Variants in CCDC12 observed in about 807,000 individuals in gnomAD.
CCDC12 encodes coiled-coil domain containing 12, also known as coiled-coil domain-containing protein 12.
A neutral mutation model predicts 25.7 loss-of-function variants in CCDC12; 28 were observed. That is an observed-to-expected ratio of 1.09 (90% CI 0.81 to 1.50). CCDC12 has a LOEUF of 1.50. Among genes scored for constraint, CCDC12 ranks in the 40% most tolerant of loss-of-function variants. CCDC12 has a pLI of 0.00. For missense variants in CCDC12, 198 were observed against 210.0 expected (o/e 0.94, Z 0.35); for synonymous variants, 75 against 87.7 (o/e 0.86, Z 0.81).
chr3:46,975,455 G>A (rs964107797), intron 1 of CCDC12, among the ~76,000 whole-genome samples: 1 of 152,008 alleles, frequency 6.6e-6, no homozygotes, highest in Non-Finnish European at 1.5e-5. Context: ...CGGGATTACA[G>A]GCACCAGCCA....
intron 1 of CCDC12, among the ~76,000 whole-genome samples, chr3:46,973,207 G>C (rs970817313): frequency 1.3e-4 from 20 of 151,762 alleles, no homozygotes; most frequent in African/African-American, 4.1e-4. Flanking sequence ...TAAAAAATTA[G>C]CTGGGCGTGG....
intron 1 of CCDC12, among the ~76,000 whole-genome samples, chr3:46,959,060 C>T (rs893734215): frequency 1.3e-5 from 2 of 152,064 alleles, no homozygotes; most frequent in Non-Finnish European, 2.9e-5. Context: ...AAAGGTAAGA[C>T]AGCTGTCTGC....
At chr3:46,974,560 A>T (rs1480868106) in intron 1 of CCDC12, among the ~76,000 whole-genome samples, 2 of 23,328 alleles carry the variant, frequency 8.6e-5, no homozygotes, top group African/African-American at 1.3e-4. Context: ...TGGGACAGGC[A>T]ATTTAGGGGC....
chr3:46,941,703 G>C (rs998796296), intron 1 of CCDC12, among the ~76,000 whole-genome samples: 1 of 152,184 alleles, frequency 6.6e-6, no homozygotes, highest in African/African-American at 2.4e-5. Context: ...CCATGGAGGG[G>C]CCATGCTGGC....
chr3:46,955,946 A>T (rs2034277605), intron 1 of CCDC12, among the ~76,000 whole-genome samples: 1 of 152,210 alleles, frequency 6.6e-6, no homozygotes, highest in Non-Finnish European at 1.5e-5. Flanking sequence ...AATACCCCGG[A>T]ATCAGGTATT....
chr3:46,969,477 C>T (rs2034737002), intron 1 of CCDC12, among the ~76,000 whole-genome samples: 1 of 152,186 alleles, frequency 6.6e-6, no homozygotes, highest in Non-Finnish European at 1.5e-5. Flanking sequence ...AAGCGATCTG[C>T]CCACTTTGGC....
intron 1 of CCDC12, among the ~76,000 whole-genome samples, chr3:46,958,420 C>T (rs1004525807): frequency 1.3e-5 from 2 of 152,186 alleles, no homozygotes; most frequent in African/African-American, 4.8e-5. Flanking sequence ...AGAAGATATA[C>T]AAGCTCTGGA....
chr3:46,931,604 G>GGAAGGAGGCCT (rs372614052), intron 2 of CCDC12, among the ~76,000 whole-genome samples: 2 of 152,038 alleles, frequency 1.3e-5, no homozygotes, highest in South Asian at 2.1e-4. Context: ...CTGCTGCCCT[G>GGAAGGAGGCCT]GGCCCCTGGA....
At chr3:46,957,996 C>CACACACACACAT (rs113627328) in intron 1 of CCDC12, among the ~76,000 whole-genome samples, 7,754 of 142,298 alleles carry the variant, frequency 0.054, 422 homozygotes, top group Middle Eastern at 0.099. Context: ...CACACACACA[C>CACACACACACAT]ATATATATGT....
Position 46,927,254 on chromosome 3 carries a change from A to G in CCDC12, c.165-1719T>C, listed in dbSNP as rs777014105. Among the ~76,000 whole-genome samples, 18 of 152,156 alleles carry G rather than the reference A, an allele frequency of 1.2e-4. 1 individual carries two copies. The South Asian group carries it at 3.7e-3, about 32-fold the overall frequency. On this transcript the variant is annotated intron_variant, in intron 2 of 6. Coordinates refer to ENST00000683445, the MANE Select transcript of CCDC12 (RefSeq NM_001277074.2). The stretch of plus-strand genomic sequence containing the variant: ...ACACCTGCCTCGGGCCTGGAGGTAC[A>G]TGTCAGGTCACAGAGGTACAGGGAG...
intron 1 of CCDC12, among the ~76,000 whole-genome samples, chr3:46,968,739 G>A (rs189121776): frequency 3.0e-4 from 45 of 152,278 alleles, no homozygotes; most frequent in African/African-American, 8.4e-4. Flanking sequence ...GCTCCTTCCC[G>A]GGAGGTACTT....
intron 1 of CCDC12, among the ~76,000 whole-genome samples, chr3:46,955,888 T>C (rs1235756680): frequency 6.6e-6 from 1 of 152,198 alleles, no homozygotes; most frequent in Non-Finnish European, 1.5e-5. Context: ...TACTTGCTCA[T>C]CTACTCACAC....
At chr3:46,945,698 TAG>T (rs1297834983) in intron 1 of CCDC12, among the ~76,000 whole-genome samples, 1 of 152,372 alleles carries the variant, frequency 6.6e-6, no homozygotes, top group African/African-American at 2.4e-5. Context: ...TAGGACTGTA[TAG>T]ATTTTCTATT....
intron 1 of CCDC12, among the ~76,000 whole-genome samples, chr3:46,962,434 C>CAAAAAAAAAAAAAAAA (rs33969115): frequency 3.2e-5 from 2 of 63,182 alleles, no homozygotes; most frequent in African/African-American, 1.3e-4. Flanking sequence ...AACTCTATCT[C>CAAAAAAAAAAAAAAAA]AAAAAAAAAA....
chr3:46,976,713 C>G lies in CCDC12; in HGVS notation c.20G>C (p.Gly7Ala), dbSNP rs762428783. The G allele has an allele frequency of 2.5e-6, 4 of 1,608,654 alleles. No individual in the cohort carries two copies. The highest frequency in any genetic ancestry group is 1.1e-5 in the South Asian group (1 of 90,040). The change falls in exon 1 of 7, where the codon GGT (glycine) becomes GCT (alanine). Residue 7 changes from glycine (G) to alanine (A), a missense_variant. By Grantham distance (60) the Gly-to-Ala change is moderately conservative. Coordinates refer to ENST00000683445, the MANE Select transcript of CCDC12 (RefSeq NM_001277074.2). MEATTA[G>A]VGRLEEEALR... ...CGCCTCTTCCTCTAGCCGGCCCACA[C>G]CAGCCGTAGTTGCCTCCATCTTGCC...
chr3:46,948,152 C>A (rs950820527), intron 1 of CCDC12, among the ~76,000 whole-genome samples: 7 of 152,328 alleles, frequency 4.6e-5, no homozygotes, highest in Non-Finnish European at 8.8e-5. Context: ...TTCACCAAGA[C>A]ATTAGGAGAT....
intron 2 of CCDC12, among the ~76,000 whole-genome samples, chr3:46,931,596 GCT>G (rs879367096): frequency 0.32 from 47,922 of 151,960 alleles, 8,048 homozygotes; most frequent in East Asian, 0.54. Flanking sequence ...ACATTCACCT[GCT>G]GCCCTGGGCC....
chr3:46,971,035 G>A (rs1395731169), intron 1 of CCDC12, among the ~76,000 whole-genome samples: 1 of 152,178 alleles, frequency 6.6e-6, no homozygotes, highest in African/African-American at 2.4e-5. Flanking sequence ...CCCTGCCCCT[G>A]TATCACTGCC....
At chr3:46,932,178 T>C (rs187541313) in intron 2 of CCDC12, among the ~76,000 whole-genome samples, 64 of 152,278 alleles carry the variant, frequency 4.2e-4, no homozygotes, top group African/African-American at 1.5e-3. Context: ...GGGGAAATTA[T>C]TCCATAGAAA....
Sources: gnomAD v4.1 joint callset for allele counts (sites outside exome capture counted in the v4.1 genomes callset) on GRCh38, gnomAD v4.1.1 for gene constraint, MANE v1.5 for transcripts, NCBI Gene and HGNC (gene_info 2026-07-23, HGNC 2026-07-21) for gene names.